The following GRAMD4 variants were observed in gnomAD, a reference collection of about 807,000 sequenced individuals.
The protein encoded by GRAMD4 is GRAM domain containing 4, also known as GRAM domain-containing protein 4.
A neutral mutation model predicts 83.9 loss-of-function variants in GRAMD4; 25 were observed. The observed-to-expected ratio is 0.30, with a 90% CI of 0.22 to 0.42. The LOEUF is 0.42. GRAMD4 is among the 10% of genes least tolerant of loss of function. GRAMD4 has a pLI of 1.00. For synonymous variants in GRAMD4, 336 were observed against 320.9 expected, an observed-to-expected ratio of 1.05 and a Z score of -0.50; for missense variants, 593 against 788.7, an observed-to-expected ratio of 0.75 and a Z score of 2.97.
rs1038143866 is a variant in GRAMD4 at position 46,622,150 on chromosome 22, T to G, written c.-50+1585T>G. 6.6e-6 allele frequency among the ~76,000 whole-genome samples: 1 copy of G among 152,080 alleles called. No individual in the cohort carries two copies. ...TTTGTCCCCTCTCTCATTGCCTCAT[T>G]TGCTTGCCTGAGGTGATTGGGAAGG... On this transcript the variant is annotated intron_variant, in intron 1 of 18. Coordinates refer to ENST00000406902, the MANE Select transcript of GRAMD4 (RefSeq NM_015124.5). This position sits in a 1 kb window ranked among gnomAD's most constrained non-coding sequence, Gnocchi z 4.0.
chr22:46,666,895 G>A (rs367964072), intron 10 of GRAMD4, 22 bp downstream of exon 10: 67 of 1,530,238 alleles, frequency 4.4e-5, no homozygotes, highest in Non-Finnish European at 5.3e-5. Context: ...GAGGGTGCAC[G>A]GTCTCCTCCG....
At chr22:46,664,180 T>C (rs2082374129) in intron 8 of GRAMD4, 63 bp downstream of exon 8, 11 of 1,180,786 alleles carry the variant, frequency 9.3e-6, no homozygotes, top group Non-Finnish European at 1.4e-5. Flanking sequence ...ATTCACCACA[T>C]GATCAGGCAC....
At chr22:46,580,427 T>TA (rs987076371) in intron 1 of GRAMD4, among the ~76,000 whole-genome samples, 13 of 152,130 alleles carry the variant, frequency 8.5e-5, no homozygotes, top group Admixed American at 6.5e-5. Context: ...ATACTGCTTG[T>TA]AAAGGAGTAA....
In GRAMD4 at chr22:46,626,933, C is replaced by A; in HGVS notation, c.134C>A (p.Pro45His). 1 of 1,613,888 alleles carries A rather than the reference C, an allele frequency of 6.2e-7. No individual in the cohort carries two copies. The highest frequency in any genetic ancestry group is 8.5e-7 in the Non-Finnish European group (1 of 1,179,786). ...EIPLKVPRTS[P>H]RDSEELRDPA... ...CCCCTGAAGGTACCGCGGACCTCGC[C>A]CCGGGACAGCGAGGAGCTGAGGGAC... Residue 45 changes from proline to histidine, a missense_variant, in exon 2 of 19, where the codon CCC (proline) becomes CAC (histidine). Pro to His is a moderately conservative substitution (Grantham distance 77). Around this residue, in one of 4 missense-constraint regions of GRAMD4, gnomAD observed 312 missense variants for 350.7 expected, o/e 0.89. Transcript: ENST00000406902.
chr22:46,614,378 G>A (rs949989979), intron 1 of GRAMD4, among the ~76,000 whole-genome samples: 5 of 152,246 alleles, frequency 3.3e-5, no homozygotes, highest in African/African-American at 1.2e-4. Flanking sequence ...GCTAAAAATT[G>A]TGTGAGGTCT....
chr22:46,628,951 G>A (rs553726424), intron 2 of GRAMD4, among the ~76,000 whole-genome samples: 2 of 152,190 alleles, frequency 1.3e-5, no homozygotes, highest in South Asian at 4.2e-4. Context: ...GTGGGCAGGT[G>A]GTGGTCCACG....
intron 18 of GRAMD4, 26 bp from the exon 19 acceptor site, chr22:46,677,121 C>A: frequency 6.2e-7 from 1 of 1,610,782 alleles, no homozygotes; most frequent in Non-Finnish European, 8.5e-7. Flanking sequence ...GTGCCATGCT[C>A]ACTGGTGGCA....
chr22:46,673,742 C>T lies in GRAMD4; in HGVS notation c.1312C>T (p.Arg438Cys), dbSNP rs1306287953. The change falls in exon 15 of 19, where the codon CGC becomes TGC. Residue 438 changes from arginine to cysteine, a missense_variant. Coordinates refer to ENST00000406902, the MANE Select transcript of GRAMD4 (RefSeq NM_015124.5). ...AGLGKEEDAG[R>C]FHSTKKGNFH... Reference sequence around the variant, plus strand: ...CCTGGGTAAAGAGGAGGACGCCGGTCGCTTCCACAGCACCAAGAAGGGCAA... The same window carrying T: ...CCTGGGTAAAGAGGAGGACGCCGGTTGCTTCCACAGCACCAAGAAGGGCAA... 2 of 1,612,900 alleles carry T rather than the reference C, an allele frequency of 1.2e-6. No homozygotes were observed. Among genetic ancestry groups the T allele is most frequent in the South Asian group, 1.1e-5 (1 of 91,054 alleles).
Position 46,584,013 on chromosome 22 carries a change from G to A in GRAMD4, c.-50+6723G>A, listed in dbSNP as rs148392471. Among the ~76,000 whole-genome samples the A allele has an allele frequency of 6.7e-4, 102 of 152,266 alleles. No homozygotes were observed. The East Asian group carries it at 0.015, about 22-fold the overall frequency. On this transcript the variant is annotated intron_variant, in intron 1 of 1. Transcript: ENST00000431155. ...TGCAGCCGCTTACTTATCCATGTGGGTTCGTGGATACTCATTTAATCCTCT... is the reference window on the plus strand; with the variant it reads ...TGCAGCCGCTTACTTATCCATGTGGATTCGTGGATACTCATTTAATCCTCT...
At chr22:46,617,024 G>A (rs1280628266), upstream of GRAMD4, among the ~76,000 whole-genome samples, 2 of 139,438 alleles carry the variant, frequency 1.4e-5, no homozygotes, top group Non-Finnish European at 3.1e-5. Flanking sequence ...GGGTTCCCCC[G>A]TGTGTAGGTT....
upstream of GRAMD4, among the ~76,000 whole-genome samples, chr22:46,617,316 G>A (rs1239877253): frequency 6.6e-6 from 1 of 151,430 alleles, no homozygotes; most frequent in East Asian, 2.0e-4. Flanking sequence ...TCCCCTGTGT[G>A]TACGTTCCCC....
In GRAMD4 at chr22:46,663,755, G is replaced by T; in HGVS notation, c.600-83G>T. ...TGAGACGTCCTCCCTGGCCCCTGCA[G>T]AGCCAACGGAACCGGGCAGTGGGGA... On this transcript the variant is annotated intron_variant, in intron 6 of 18. Transcript: ENST00000406902. The T allele has an allele frequency of 2.2e-6, 3 of 1,389,358 alleles. No homozygotes were observed. In the African/African-American group the frequency reaches 4.2e-5, roughly 20 times the overall value. 86.1% of individuals were successfully genotyped at this position (1,389,358 alleles called of 1,614,324 possible).
chr22:46,648,755 G>C (rs1259083403), intron 3 of GRAMD4, among the ~76,000 whole-genome samples: 96 of 128,258 alleles, frequency 7.5e-4, no homozygotes, highest in African/African-American at 1.9e-3. Flanking sequence ...TGCATGGATG[G>C]ATGGATGGAT....
At chr22:46,663,946 C>A in intron 7 of GRAMD4, 80 bp from the exon 8 acceptor site, 1 of 1,573,424 alleles carries the variant, frequency 6.4e-7, no homozygotes, top group Non-Finnish European at 8.7e-7. Context: ...GGATTCTGAG[C>A]TGAACCGACT....
At chr22:46,658,637 C>T (rs1475038737) in intron 4 of GRAMD4, among the ~76,000 whole-genome samples, 1 of 152,122 alleles carries the variant, frequency 6.6e-6, no homozygotes, top group Non-Finnish European at 1.5e-5. Context: ...CCCAGAGCCA[C>T]CTCATGGCTC....
chr22:46,660,551 A>G (rs1344763140), intron 4 of GRAMD4, among the ~76,000 whole-genome samples: 1 of 152,244 alleles, frequency 6.6e-6, no homozygotes, highest in Non-Finnish European at 1.5e-5. Flanking sequence ...AAAGCACAGC[A>G]GTTCTGTTTA....
chr22:46,663,132 G>T lies in GRAMD4; in HGVS notation c.559G>T (p.Glu187Ter), dbSNP rs1367537360. The T allele has an allele frequency of 6.2e-7, 1 of 1,612,536 alleles. No homozygotes were observed. Among genetic ancestry groups the T allele is most frequent in the Non-Finnish European group, 8.5e-7 (1 of 1,179,718 alleles). ...YVEDFRFQPEENTVETEEPLS... is the reference protein window; with the variant it reads ...YVEDFRFQPE The stretch of plus-strand genomic sequence containing the variant: ...GGAGGACTTCCGGTTCCAGCCCGAG[G>T]AGAACACTGTGGAGACAGAGGAACC... Residue 187 changes from glutamate (E) to a stop codon, truncating the protein, a stop_gained, in exon 6 of 19, where the codon GAG (glutamate) becomes TAG (stop). Transcript: ENST00000406902. LOFTEE classifies it high-confidence loss of function.
intron 3 of GRAMD4, among the ~76,000 whole-genome samples, chr22:46,646,119 G>A (rs569112218): frequency 1.3e-5 from 2 of 152,332 alleles, no homozygotes; most frequent in African/African-American, 4.8e-5. Flanking sequence ...GGAGAGGGCT[G>A]CAGATGCCTC....
At chr22:46,579,437 A>G (rs1475721931) in intron 1 of GRAMD4, among the ~76,000 whole-genome samples, 1 of 152,190 alleles carries the variant, frequency 6.6e-6, no homozygotes, top group Non-Finnish European at 1.5e-5. Context: ...CAATGAAAAG[A>G]AAGTGTTATT....
Sources: gnomAD v4.1 joint callset for allele counts (sites outside exome capture counted in the v4.1 genomes callset) on GRCh38, gnomAD v4.1.1 for gene constraint, gnomAD v4.1.1 regional missense constraint, Gnocchi (gnomAD v3.1) non-coding constraint, MANE v1.5 for transcripts, NCBI Gene and HGNC (gene_info 2026-07-23, HGNC 2026-07-21) for gene names.